Variants in THAP12 observed in about 807,000 individuals in gnomAD.
The protein encoded by THAP12 is THAP domain containing 12, also known as 52 kDa repressor of the inhibitor of the protein kinase.
Under a neutral mutation model 63.0 loss-of-function variants are expected in THAP12, and 20 were observed. That is an observed-to-expected ratio of 0.32 (90% CI 0.22 to 0.46). The LOEUF is 0.46. THAP12 is among the 20% of genes least tolerant of loss of function. The pLI is 1.00. For missense variants in THAP12, 568 were observed against 908.2 expected (o/e 0.63, Z 4.81); for synonymous variants, 264 against 328.4 (o/e 0.80, Z 2.12).
chr11:76,376,172 A>C (rs1344458889), intron 1 of THAP12, among the ~76,000 whole-genome samples: 1 of 152,242 alleles, frequency 6.6e-6, no homozygotes, highest in African/African-American at 2.4e-5. Flanking sequence ...ACGCCACTGA[A>C]TTGCACACTT....
intron 1 of THAP12, among the ~76,000 whole-genome samples, chr11:76,377,683 G>T (rs1288721360): frequency 6.6e-6 from 1 of 152,114 alleles, no homozygotes; most frequent in Non-Finnish European, 1.5e-5. Flanking sequence ...TGACTATTGC[G>T]AATAGTGCTG....
In THAP12 at chr11:76,350,556, A is replaced by G; in HGVS notation, c.*308T>C. On this transcript the variant is annotated 3_prime_UTR_variant, in exon 5 of 5. Transcript: ENST00000260045. ...TTCAAAGAATTCATAACACCCAACA[A>G]GTAGAGATCCACAGTGATAATAAAT... is the stretch of plus-strand genomic sequence containing the variant. The G allele has an allele frequency of 5.0e-6, 1 of 199,722 alleles. No individual in the cohort carries two copies. Among genetic ancestry groups the G allele is most frequent in the Middle Eastern group, 1.9e-3 (1 of 520 alleles). 12.4% of individuals were successfully genotyped at this position (199,722 alleles called of 1,614,324 possible).
intron 1 of THAP12, among the ~76,000 whole-genome samples, chr11:76,377,041 T>A (rs918141537): frequency 6.6e-6 from 1 of 152,202 alleles, no homozygotes; most frequent in Admixed American, 6.5e-5. Flanking sequence ...CTTTCCCATG[T>A]CTCGGAACTT....
At chr11:76,355,333 A>G (rs1242001746) in intron 4 of THAP12, among the ~76,000 whole-genome samples, 2 of 152,218 alleles carry the variant, frequency 1.3e-5, no homozygotes, top group East Asian at 3.8e-4. Flanking sequence ...CCTTCCCTAC[A>G]ATGGAGCACT....
At position 76,351,735 on chromosome 11, in the gene THAP12, C is replaced by T. The variant is rs1267577776; in HGVS notation, c.1415G>A (p.Ser472Asn). 1.2e-6 allele frequency: 2 copies of T among 1,612,998 alleles called. No individual in the cohort carries two copies. Among genetic ancestry groups the T allele is most frequent in the African/African-American group, 1.3e-5 (1 of 74,900 alleles). ...YIAGRAFVLC[S>N]AVSDFDFIVT... is the part of the protein sequence containing the mutation. ...AATGAAATCAAAATCTGACACTGCA[C>T]TGCAGAGTACAAATGCTCGGCCAGC... The change falls in exon 5 of 5, where the codon AGT becomes AAT. Residue 472 changes from serine to asparagine, a missense_variant. Ser to Asn is a conservative substitution (Grantham distance 46). Coordinates refer to ENST00000260045, the MANE Select transcript of THAP12 (RefSeq NM_004705.4).
Position 76,376,615 on chromosome 11 carries a change from G to GTTTT in THAP12, c.89+4129_89+4132dup, listed in dbSNP as rs375196452. ...TCTTCGAATGCTAAATTGTGTCTAT[G>GTTTT]TTTTTTTTGTTTTTTTTTTTTTTTC... On this transcript the variant is annotated intron_variant, in intron 1 of 4. Transcript: ENST00000260045. Among the ~76,000 whole-genome samples, 123 of 127,742 alleles carry GTTTT rather than the reference G, an allele frequency of 9.6e-4. 8 individuals are homozygous for GTTTT. Among genetic ancestry groups the GTTTT allele is most frequent in the Middle Eastern group, 4.5e-3 (1 of 220 alleles). The allele number at this position is 127,742 out of a possible 152,430, so 83.8% of individuals were successfully genotyped here. A position where few individuals can be genotyped will look rare whatever the true frequency, so the allele number is the denominator to read the frequency against.
At chr11:76,374,212 T>G (rs1946693096) in intron 1 of THAP12, among the ~76,000 whole-genome samples, 1 of 152,222 alleles carries the variant, frequency 6.6e-6, no homozygotes, top group African/African-American at 2.4e-5. Flanking sequence ...AGTTGAAATG[T>G]GACATCTGAG....
rs894943390 is a variant in THAP12, at chr11:76,355,140, C to G, written c.355+478G>C. On this transcript the variant is annotated intron_variant, in intron 4 of 4. Transcript: ENST00000260045. ...ACAAGAAGAAAAACAGCTTCTAGCC[C>G]TCGTCCTTTGGTGACATAATTCGGA... Among the ~76,000 whole-genome samples the G allele has an allele frequency of 9.2e-5, 14 of 152,200 alleles. 1 individual carries two copies. Among genetic ancestry groups the G allele is most frequent in the Non-Finnish European group, 2.1e-4 (14 of 68,042 alleles).
Position 76,352,326 on chromosome 11 carries a change from T to C in THAP12, c.824A>G (p.His275Arg), listed in dbSNP as rs1268947697. The C allele has an allele frequency of 3.1e-6, 5 of 1,611,796 alleles. No individual in the cohort carries two copies. In the South Asian group the frequency reaches 3.3e-5, roughly 11 times the overall value. The change falls in exon 5 of 5, where the codon CAC becomes CGC. Residue 275 changes from histidine to arginine, a missense_variant. By Grantham distance (29) the His-to-Arg change is conservative. Coordinates refer to ENST00000260045, the MANE Select transcript of THAP12 (RefSeq NM_004705.4). ...DDVVDIAGEE[H>R]LPVLVRFVDE... ...AACAAACCTCACCAACACAGGTAGG[T>C]GCTCTTCCCCTGCTATGTCCACTAC...
rs1946527550 is a variant in THAP12 at position 76,351,621 on chromosome 11, G to A, written c.1529C>T (p.Ala510Val). 2.5e-6 allele frequency: 4 copies of A among 1,583,338 alleles called. No individual in the cohort carries two copies. Among genetic ancestry groups the A allele is most frequent in the Non-Finnish European group, 3.4e-6 (4 of 1,162,978 alleles). Residue 510 changes from alanine to valine, a missense_variant, in exon 5 of 5, where the codon GCG becomes GTG. Coordinates refer to ENST00000260045, the MANE Select transcript of THAP12 (RefSeq NM_004705.4). ...LQGQTSDVFF[A>V]AGSLTAVLHS... ...CAGTACTGCAGTCAAGCTACCGGCC[G>A]CAAAGAAGACATCAGAGGTTTGCCC...
chr11:76,357,458 G>A (rs536087152), intron 3 of THAP12: 2 of 151,912 alleles, frequency 1.3e-5, no homozygotes, highest in African/African-American at 4.8e-5. Flanking sequence ...GTTGTAAGAT[G>A]ACAAATTAAG....
chr11:76,374,557 C>T (rs989063038), intron 1 of THAP12, among the ~76,000 whole-genome samples: 1 of 152,168 alleles, frequency 6.6e-6, no homozygotes, highest in Non-Finnish European at 1.5e-5. Flanking sequence ...TTGTTTATTT[C>T]TGAGAAAATG....
At chr11:76,368,030 C>T (rs138410483) in intron 1 of THAP12, among the ~76,000 whole-genome samples, 50 of 152,182 alleles carry the variant, frequency 3.3e-4, no homozygotes, top group African/African-American at 9.6e-4. Flanking sequence ...AGTATAAAAA[C>T]GATCTCACTA....
intron 4 of THAP12, among the ~76,000 whole-genome samples, chr11:76,354,341 C>G (rs2134499307): frequency 6.6e-6 from 1 of 152,318 alleles, no homozygotes; most frequent in Admixed American, 6.5e-5. Context: ...GGGAGGCTTC[C>G]CAAGCCAGAA....
chr11:76,352,276 C>G lies in THAP12; in HGVS notation c.874G>C (p.Glu292Gln). The G allele has an allele frequency of 1.9e-6, 3 of 1,611,788 alleles. No individual in the cohort carries two copies. The highest frequency in any genetic ancestry group is 2.5e-6 in the Non-Finnish European group (3 of 1,179,800). ...TCATAAGGCAGGAAGCCTATAAATT[C>G]CTCTCTTAGGTTATGAGATTCATCA... is the stretch of plus-strand genomic sequence containing the variant. ...FVDESHNLRE[E>Q]FIGFLPYEAD... is the part of the protein sequence containing the mutation. The change falls in exon 5 of 5, where the codon GAA (glutamate) becomes CAA (glutamine). Residue 292 changes from glutamate to glutamine, a missense_variant. By Grantham distance (29) the Glu-to-Gln change is conservative (BLOSUM62 2). Coordinates refer to ENST00000260045, the MANE Select transcript of THAP12 (RefSeq NM_004705.4).
intron 2 of THAP12, among the ~76,000 whole-genome samples, chr11:76,365,604 C>T (rs376804254): frequency 6.6e-6 from 1 of 152,262 alleles, no homozygotes; most frequent in East Asian, 1.9e-4. Flanking sequence ...CCAGGCTGGT[C>T]TCAAACTCCT....
chr11:76,361,288 G>A, intron 2 of THAP12: 2 of 432,814 alleles, frequency 4.6e-6, no homozygotes, highest in East Asian at 4.0e-5. Flanking sequence ...TTGAAGGTAG[G>A]CATAAAATAT....
intron 4 of THAP12, among the ~76,000 whole-genome samples, chr11:76,355,163 G>A (rs978270332): frequency 6.6e-6 from 1 of 152,150 alleles, no homozygotes; most frequent in Non-Finnish European, 1.5e-5. Context: ...GACATAATTC[G>A]GACATCAGCA....
At chr11:76,366,103 T>G (rs1482464488) in intron 1 of THAP12, 131 bp from the exon 2 acceptor site, 1 of 1,079,534 alleles carries the variant, frequency 9.3e-7, no homozygotes, top group Non-Finnish European at 1.3e-6. Flanking sequence ...ATTTGGAGAA[T>G]TTGATTAATA....
Sources: gnomAD v4.1 joint callset for allele counts (sites outside exome capture counted in the v4.1 genomes callset) on GRCh38, gnomAD v4.1.1 for gene constraint, MANE v1.5 for transcripts, NCBI Gene and HGNC (gene_info 2026-07-23, HGNC 2026-07-21) for gene names.